LINC00632: variants seen among roughly 807,000 people sequenced by gnomAD.
LINC00632 encodes the protein long independently transcribed non-coding RNA 632.
At chrX:140,788,246 CGT>C (rs1932046052) in exon 5 of LINC00632, among the ~76,000 whole-genome samples, 1 of 109,615 alleles carries the variant, frequency 9.1e-6, no homozygotes, top group South Asian at 3.9e-4. Flanking sequence ...TTCTAGTACT[CGT>C]GTGTTGGGTA....
chrX:140,712,426 T>C (rs1182325534), intron 2 of LINC00632, among the ~76,000 whole-genome samples: 1 of 93,583 alleles, frequency 1.1e-5, no homozygotes, highest in Non-Finnish European at 2.1e-5. Context: ...TTTTTTTTTT[T>C]ACTCTTCAGA....
intron 3 of LINC00632, among the ~76,000 whole-genome samples, chrX:140,737,328 T>G: frequency 8.9e-6 from 1 of 112,196 alleles, no homozygotes. Flanking sequence ...TTTTTAACTT[T>G]TTAAATAATT....
chrX:140,736,992 C>T (rs1357565186), intron 3 of LINC00632, among the ~76,000 whole-genome samples: 1 of 104,930 alleles, frequency 9.5e-6, no homozygotes, highest in Non-Finnish European at 1.9e-5. Flanking sequence ...CTCTGCCTCC[C>T]GGATTCAAGT....
intron 2 of LINC00632, among the ~76,000 whole-genome samples, chrX:140,732,010 A>G (rs948889030): frequency 9.0e-6 from 1 of 110,849 alleles, no homozygotes; most frequent in African/African-American, 3.3e-5. Flanking sequence ...TTGAGACCAG[A>G]CAGGCCAACA....
exon 5 of LINC00632, among the ~76,000 whole-genome samples, chrX:140,787,538 G>A (rs1050287177): frequency 1.5e-4 from 17 of 111,362 alleles, no homozygotes; most frequent in African/African-American, 5.2e-4. Flanking sequence ...ACATATTTGT[G>A]TGCAGATGTG....
At chrX:140,744,577 GGT>G (rs1931294575) in intron 3 of LINC00632, among the ~76,000 whole-genome samples, 3 of 33,921 alleles carry the variant, frequency 8.8e-5, no homozygotes, top group Non-Finnish European at 1.6e-4. Flanking sequence ...TGGGGGGGGG[GGT>G]GGGGGGAGGA....
chrX:140,736,668 C>T (rs938228359), intron 3 of LINC00632, among the ~76,000 whole-genome samples: 1 of 108,646 alleles, frequency 9.2e-6, no homozygotes, highest in South Asian at 4.0e-4. Context: ...ATCTCCTGAC[C>T]TCGTGATCCG....
At chrX:140,713,836 C>T (rs1930569251) in intron 2 of LINC00632, 1 of 311,010 alleles carries the variant, frequency 3.2e-6, no homozygotes, top group Admixed American at 3.3e-5. Flanking sequence ...ACAGACTTGC[C>T]CCCCCATAAG....
exon 4 of LINC00632, among the ~76,000 whole-genome samples, chrX:140,773,177 AAGAAG>A (rs1240769866): frequency 3.7e-5 from 4 of 107,827 alleles, no homozygotes; most frequent in Non-Finnish European, 7.5e-5. Flanking sequence ...AAAAAAAGAA[AAGAAG>A]AGAAGAGAAA....
At chrX:140,777,538 A>G (rs1363645904) in exon 5 of LINC00632, among the ~76,000 whole-genome samples, 1 of 112,584 alleles carries the variant, frequency 8.9e-6, no homozygotes, top group Non-Finnish European at 1.9e-5. Flanking sequence ...CAGGAACTGC[A>G]CAAAGACCTG....
intron 2 of LINC00632, among the ~76,000 whole-genome samples, chrX:140,733,459 T>G (rs187918654): frequency 8.9e-6 from 1 of 112,404 alleles, no homozygotes; most frequent in Non-Finnish European, 1.9e-5. Context: ...GGTCATTTTC[T>G]TGTCTTCTCA....
At chrX:140,740,390 G>T (rs2148388562) in intron 3 of LINC00632, among the ~76,000 whole-genome samples, 1 of 111,362 alleles carries the variant, frequency 9.0e-6, no homozygotes, top group African/African-American at 3.3e-5. Context: ...TTATATTTGG[G>T]AGGTCAGCAG....
At chrX:140,766,975 T>A (rs1158036066) in intron 3 of LINC00632, among the ~76,000 whole-genome samples, 1 of 112,071 alleles carries the variant, frequency 8.9e-6, no homozygotes, top group Non-Finnish European at 1.9e-5. Flanking sequence ...TTTAAGATGG[T>A]TTTTGCTCAT....
chrX:140,710,018 G>A (rs1930483039), intron 1 of LINC00632, among the ~76,000 whole-genome samples: 1 of 111,892 alleles, frequency 8.9e-6, no homozygotes, highest in African/African-American at 3.2e-5. Context: ...GTTGCTAGGA[G>A]GCAATATAGA....
At chrX:140,785,184 T>A (rs867393982) in exon 5 of LINC00632, among the ~76,000 whole-genome samples, 3 of 104,803 alleles carry the variant, frequency 2.9e-5, no homozygotes, top group East Asian at 2.9e-4. Flanking sequence ...ATAATAATAA[T>A]ATAATAATAA....
exon 5 of LINC00632, chrX:140,784,274 T>TACAG: frequency 8.3e-7 from 1 of 1,204,518 alleles, no homozygotes; most frequent in Non-Finnish European, 1.1e-6. Context: ...CCAACAAAGG[T>TACAG]ACGTCTTCCA....
At chrX:140,789,701 A>G (rs1297526780) in exon 5 of LINC00632, among the ~76,000 whole-genome samples, 1 of 112,081 alleles carries the variant, frequency 8.9e-6, no homozygotes, top group African/African-American at 3.2e-5. Flanking sequence ...AATAATTTGT[A>G]AAGTTAAGCA....
chrX:140,754,422 A>G (rs141001187), intron 3 of LINC00632, among the ~76,000 whole-genome samples: 70 of 111,771 alleles, frequency 6.3e-4, no homozygotes, highest in South Asian at 1.5e-3. Flanking sequence ...GAATCACTGA[A>G]GCAGGCTGAG....
chrX:140,727,494 T>C (rs944569962), intron 2 of LINC00632, among the ~76,000 whole-genome samples: 3 of 111,180 alleles, frequency 2.7e-5, no homozygotes, highest in African/African-American at 9.8e-5. Context: ...GGTTTCACCA[T>C]GTTGGCCAGG....
Sources: gnomAD v4.1 joint callset for allele counts (sites outside exome capture counted in the v4.1 genomes callset) on GRCh38, gnomAD v4.1.1 for gene constraint, MANE v1.5 for transcripts, NCBI Gene and HGNC (gene_info 2026-07-23, HGNC 2026-07-21) for gene names.